DGKG: variants seen among roughly 807,000 people sequenced by gnomAD.
DGKG encodes the protein diacylglycerol kinase gamma.
DGKG carries 78 observed loss-of-function variants against 105.3 expected under a neutral mutation model. The observed-to-expected ratio is 0.74, with a 90% CI of 0.62 to 0.89. The LOEUF (loss-of-function observed/expected upper bound fraction) is 0.89. Among genes scored for constraint, DGKG ranks in the 40% least tolerant of loss-of-function variants. The pLI is 0.00. For synonymous variants in DGKG, 346 were observed against 367.1 expected (o/e 0.94, Z 0.66); for missense variants, 958 against 1,020.1 (o/e 0.94, Z 0.83).
At chr3:186,315,312 A>G (rs921018867) in intron 2 of DGKG, among the ~76,000 whole-genome samples, 4 of 152,200 alleles carry the variant, frequency 2.6e-5, no homozygotes, top group African/African-American at 9.7e-5. Context: ...TCTTGAAGCC[A>G]TTCAAAATTA....
chr3:186,167,440 C>T (rs887062680), intron 22 of DGKG, among the ~76,000 whole-genome samples: 8 of 152,130 alleles, frequency 5.3e-5, no homozygotes, highest in Non-Finnish European at 7.3e-5. Flanking sequence ...AACAACCCAC[C>T]GCTTCCATTT....
chr3:186,332,370 T>C (rs1052246000), intron 1 of DGKG, among the ~76,000 whole-genome samples: 5 of 152,150 alleles, frequency 3.3e-5, no homozygotes, highest in Non-Finnish European at 7.4e-5. Flanking sequence ...TTGGGGCCCT[T>C]AACAGTGGAA....
At position 186,147,982 on chromosome 3, in the gene DGKG, G is replaced by T. The variant is rs948756516; in HGVS notation, c.*2108C>A. On this transcript the variant is annotated 3_prime_UTR_variant, in exon 25 of 25. Coordinates refer to ENST00000265022, the MANE Select transcript of DGKG (RefSeq NM_001346.3). ...GTTGAGCAGAATGGTCCAAGATCTT[G>T]CTCCTAGGTGGTCCTTCACAGTTAA... 2 of 985,318 alleles carry T rather than the reference G, an allele frequency of 2.0e-6. No homozygotes were observed. The highest frequency in any genetic ancestry group is 1.7e-5 in the African/African-American group (1 of 57,224). 61.0% of individuals were successfully genotyped at this position (985,318 alleles called of 1,614,324 possible).
intron 1 of DGKG, among the ~76,000 whole-genome samples, chr3:186,339,199 C>G (rs1046362077): frequency 2.6e-5 from 4 of 152,126 alleles, no homozygotes; most frequent in Admixed American, 2.6e-4. Flanking sequence ...GTTTAAAATA[C>G]TCTGCTAGGA....
chr3:186,161,767 C>CTT, intron 23 of DGKG, 104 bp from the exon 24 acceptor site: 1 of 1,542,858 alleles, frequency 6.5e-7, no homozygotes, highest in South Asian at 1.2e-5. Context: ...ATCTGCCTAC[C>CTT]TAAGTGTGGT....
intron 3 of DGKG, among the ~76,000 whole-genome samples, chr3:186,300,407 C>T (rs1723867567): frequency 6.6e-6 from 1 of 152,192 alleles, no homozygotes; most frequent in Non-Finnish European, 1.5e-5. Context: ...TGTTGAAGGT[C>T]ACAGACGTGA....
intron 19 of DGKG, among the ~76,000 whole-genome samples, chr3:186,244,191 C>T (rs769432870): frequency 2.6e-5 from 4 of 151,952 alleles, no homozygotes; most frequent in Non-Finnish European, 5.9e-5. Flanking sequence ...CACCTGGCCT[C>T]TGTGTGTGTT....
At chr3:186,188,050 TA>T in intron 22 of DGKG, 151 bp downstream of exon 22, 1 of 909,816 alleles carries the variant, frequency 1.1e-6, no homozygotes, top group Non-Finnish European at 1.7e-6. Context: ...GATTAAGTTG[TA>T]AACTTTGCAA....
At chr3:186,274,705 A>G (rs1160598014) in intron 10 of DGKG, among the ~76,000 whole-genome samples, 1 of 151,988 alleles carries the variant, frequency 6.6e-6, no homozygotes, top group Non-Finnish European at 1.5e-5. Context: ...TGTCCCTACA[A>G]AGGACGTGAA....
intron 5 of DGKG, among the ~76,000 whole-genome samples, chr3:186,293,065 T>C (rs1412760552): frequency 6.6e-6 from 1 of 152,196 alleles, no homozygotes; most frequent in Non-Finnish European, 1.5e-5. Context: ...TAACCTACCA[T>C]GCCTCACTCC....
intron 1 of DGKG, among the ~76,000 whole-genome samples, chr3:186,340,805 C>T (rs1726051993): frequency 6.6e-6 from 1 of 152,202 alleles, no homozygotes; most frequent in Non-Finnish European, 1.5e-5. Flanking sequence ...TCTCTGAAAT[C>T]TCAATACCAA....
intron 21 of DGKG, among the ~76,000 whole-genome samples, chr3:186,209,982 A>G (rs1718951374): frequency 1.3e-5 from 2 of 152,236 alleles, no homozygotes; most frequent in East Asian, 3.9e-4. Context: ...AGCTCCCAAC[A>G]ACACCCTCCC....
At chr3:186,267,406 A>G (rs1722106727) in intron 13 of DGKG, among the ~76,000 whole-genome samples, 1 of 152,200 alleles carries the variant, frequency 6.6e-6, no homozygotes, top group African/African-American at 2.4e-5. Flanking sequence ...CAAACCCAAC[A>G]GAGAGGAGCA....
chr3:186,339,377 G>A (rs775774444), intron 1 of DGKG, among the ~76,000 whole-genome samples: 1 of 152,168 alleles, frequency 6.6e-6, no homozygotes, highest in Non-Finnish European at 1.5e-5. Context: ...TGTTGACATG[G>A]TTGACTGAGA....
chr3:186,342,374 C>T (rs1726130490), intron 1 of DGKG, among the ~76,000 whole-genome samples: 1 of 152,130 alleles, frequency 6.6e-6, no homozygotes, highest in Non-Finnish European at 1.5e-5. Flanking sequence ...GATTCTTAGC[C>T]ACTGTTATTC....
intron 24 of DGKG, chr3:186,158,852 T>TA (rs994175551): frequency 1.1e-6 from 1 of 947,460 alleles, no homozygotes; most frequent in Non-Finnish European, 1.3e-6. Context: ...ATGTACTTTT[T>TA]ATCAAATAAA....
At chr3:186,182,999 A>G (rs995460857) in intron 22 of DGKG, among the ~76,000 whole-genome samples, 1 of 152,204 alleles carries the variant, frequency 6.6e-6, no homozygotes, top group African/African-American at 2.4e-5. Flanking sequence ...AGGCAAAATT[A>G]AGTGCTCAGG....
chr3:186,227,770 A>C (rs548249439), intron 20 of DGKG, among the ~76,000 whole-genome samples: 8 of 152,268 alleles, frequency 5.3e-5, no homozygotes, highest in Non-Finnish European at 8.8e-5. Flanking sequence ...CTTGTTTTTC[A>C]ATTTCTTCAT....
At chr3:186,156,819 A>G (rs1716059645) in intron 24 of DGKG, among the ~76,000 whole-genome samples, 1 of 152,058 alleles carries the variant, frequency 6.6e-6, no homozygotes, top group African/African-American at 2.4e-5. Context: ...ATTAATATTA[A>G]TGCCGGAAAA....
Sources: allele counts gnomAD v4.1 joint callset (sites outside exome capture counted in the v4.1 genomes callset), GRCh38; gene constraint gnomAD v4.1.1; transcripts MANE v1.5; gene names NCBI Gene and HGNC (gene_info 2026-07-23, HGNC 2026-07-21).